GRB2: variants seen among roughly 807,000 people sequenced by gnomAD.
GRB2 encodes the protein growth factor receptor-bound protein 2.
Under a neutral mutation model 27.4 loss-of-function variants are expected in GRB2, and 2 were observed. The observed-to-expected ratio is 0.07, with a 90% CI of 0.03 to 0.23. The LOEUF is 0.23. Ranked by LOEUF, GRB2 falls within the 10% of genes least tolerant of loss-of-function variation. GRB2 has a pLI of 1.00. For synonymous variants in GRB2, 94 were observed against 99.6 expected (o/e 0.94, Z 0.33); for missense variants, 102 against 282.4 (o/e 0.36, Z 4.58).
At chr17:75,354,267 G>C (rs58225538) in intron 2 of GRB2, among the ~76,000 whole-genome samples, 4,436 of 102,232 alleles carry the variant, frequency 0.043, 533 homozygotes, top group African/African-American at 0.12. Flanking sequence ...TTTTTTTTGG[G>C]GGGGGGGGGG....
intron 2 of GRB2, among the ~76,000 whole-genome samples, chr17:75,374,749 C>T (rs1429857184): frequency 2.0e-5 from 3 of 152,032 alleles, no homozygotes; most frequent in Non-Finnish European, 4.4e-5. Flanking sequence ...ATCAATCACG[C>T]CACTGCACTC....
chr17:75,343,972 G>A (rs1459857649), intron 2 of GRB2, among the ~76,000 whole-genome samples: 1 of 152,222 alleles, frequency 6.6e-6, no homozygotes, highest in Non-Finnish European at 1.5e-5. Flanking sequence ...TAGGTGAACT[G>A]AGGATAAAAT....
At chr17:75,401,903 A>AGT (rs1163213852) in intron 1 of GRB2, among the ~76,000 whole-genome samples, 3 of 152,256 alleles carry the variant, frequency 2.0e-5, no homozygotes, top group Non-Finnish European at 4.4e-5. Context: ...AGAGACCTTA[A>AGT]CTAGTATTTT....
chr17:75,392,868 T>C (rs1477433541), intron 2 of GRB2, among the ~76,000 whole-genome samples: 1 of 152,180 alleles, frequency 6.6e-6, no homozygotes, highest in Non-Finnish European at 1.5e-5. Flanking sequence ...GCACATGGTA[T>C]AGAAGCTGAT....
In GRB2 at chr17:75,352,120, G is replaced by A. The variant is rs56165635; in HGVS notation, c.79-19323C>T. Among the ~76,000 whole-genome samples, 658 of 152,308 alleles carry A rather than the reference G, an allele frequency of 4.3e-3. 5 individuals carry two copies. The highest frequency in any genetic ancestry group is 0.015 in the African/African-American group (615 of 41,580). On this transcript the variant is annotated intron_variant, in intron 2 of 5. Coordinates refer to ENST00000316804, the MANE Select transcript of GRB2 (RefSeq NM_002086.5). ...TGCTGCTAGACCAGAGGCTTCTCTAGTAATTAATTACCCAGGTCCTGGCCT... is the reference window on the plus strand; with the variant it reads ...TGCTGCTAGACCAGAGGCTTCTCTAATAATTAATTACCCAGGTCCTGGCCT...
intron 2 of GRB2, among the ~76,000 whole-genome samples, chr17:75,334,115 C>G (rs983226420): frequency 6.6e-5 from 10 of 152,134 alleles, no homozygotes; most frequent in African/African-American, 2.4e-4. Flanking sequence ...TCTAGATATG[C>G]TATGCTTTTT....
chr17:75,330,093 T>C (rs1415785874), intron 3 of GRB2, among the ~76,000 whole-genome samples: 1 of 151,970 alleles, frequency 6.6e-6, no homozygotes, highest in Non-Finnish European at 1.5e-5. Flanking sequence ...TTTAAAAAGA[T>C]GGGCTTTGGG....
rs535053065 is a variant in GRB2, at chr17:75,332,469, C to T, written c.176+231G>A. ...AGAATTACGGACCTGCACCAACTAT[C>T]GTTTTATTTTTGAAGATCACTGACA... On this transcript the variant is annotated intron_variant, in intron 3 of 5. Transcript: ENST00000316804. Among the ~76,000 whole-genome samples the T allele has an allele frequency of 2.8e-4, 42 of 152,266 alleles. 1 individual carries two copies. In the South Asian group the frequency reaches 7.9e-3, roughly 29 times the overall value.
chr17:75,321,325 C>A (rs879356802), intron 5 of GRB2, among the ~76,000 whole-genome samples: 2 of 151,836 alleles, frequency 1.3e-5, no homozygotes, highest in Admixed American at 6.6e-5. Flanking sequence ...TGCAGGTGTG[C>A]GCCACCACAT....
At chr17:75,390,875 G>A (rs2078994128) in intron 2 of GRB2, among the ~76,000 whole-genome samples, 1 of 152,104 alleles carries the variant, frequency 6.6e-6, no homozygotes, top group Non-Finnish European at 1.5e-5. Flanking sequence ...ATCAAGAGAA[G>A]GCATATATAT....
chr17:75,318,467 G>A lies in GRB2; in HGVS notation c.*1901C>T, dbSNP rs2078431730. ...GCCGCTTTGGGACTGAAAGGCCCAA[G>A]GCTGTCACCAGCTCCCGGAAGAGAG... On this transcript the variant is annotated 3_prime_UTR_variant, in exon 6 of 6. Coordinates refer to ENST00000316804, the MANE Select transcript of GRB2 (RefSeq NM_002086.5). The A allele has an allele frequency of 2.0e-5, 3 of 152,284 alleles. No individual in the cohort carries two copies. The highest frequency in any genetic ancestry group is 4.8e-5 in the African/African-American group (2 of 41,468). The allele number at this position is 152,284 out of a possible 1,614,324, so 9.4% of individuals were successfully genotyped here.
chr17:75,386,757 G>C (rs1021176611), intron 2 of GRB2, among the ~76,000 whole-genome samples: 2 of 152,172 alleles, frequency 1.3e-5, no homozygotes, highest in African/African-American at 2.4e-5. Flanking sequence ...ATTGTGATGG[G>C]TACACCCAGT....
At chr17:75,350,482 CATTT>C (rs1374353279) in intron 2 of GRB2, among the ~76,000 whole-genome samples, 8 of 152,164 alleles carry the variant, frequency 5.3e-5, no homozygotes, top group Middle Eastern at 3.4e-3. Context: ...TGGGCGGTAA[CATTT>C]ATTTATTTAT....
At chr17:75,346,473 G>A (rs533726718) in intron 2 of GRB2, among the ~76,000 whole-genome samples, 1 of 151,736 alleles carries the variant, frequency 6.6e-6, no homozygotes, top group African/African-American at 2.4e-5. Context: ...TCCAGCCTGG[G>A]CAATAGAGTG....
chr17:75,337,901 C>CTACTACTACTACTACTACTATTAT (rs1375563317), intron 2 of GRB2, among the ~76,000 whole-genome samples: 9 of 117,388 alleles, frequency 7.7e-5, no homozygotes, highest in Non-Finnish European at 1.2e-4. Context: ...ACTACTACTA[C>CTACTACTACTACTACTACTATTAT]TATTATTATT....
At chr17:75,338,580 T>C (rs893465441) in intron 2 of GRB2, among the ~76,000 whole-genome samples, 23 of 152,168 alleles carry the variant, frequency 1.5e-4, no homozygotes, top group African/African-American at 5.6e-4. Flanking sequence ...AGTTATGACT[T>C]TGTAGCCACA....
intron 2 of GRB2, among the ~76,000 whole-genome samples, chr17:75,355,506 C>T (rs746268223): frequency 1.1e-4 from 17 of 150,102 alleles, no homozygotes; most frequent in Non-Finnish European, 2.1e-4. Flanking sequence ...TCACATAAAT[C>T]GGGGATGTCC....
In GRB2 at chr17:75,320,323, G is replaced by C. The variant is rs747584778; in HGVS notation, c.*45C>G. 6.6e-7 allele frequency: 1 copy of C among 1,508,256 alleles called. No homozygotes were observed. The highest frequency in any genetic ancestry group is 9.2e-7 in the Non-Finnish European group (1 of 1,084,508). The allele number at this position is 1,508,256 out of a possible 1,614,324, so 93.4% of individuals were successfully genotyped here. ...GCTTGTGGGTTTAATTCTTTTGTAT[G>C]TGTTTTACATTTTTCACTTTCTTTA... is the stretch of plus-strand genomic sequence containing the variant. On this transcript the variant is annotated 3_prime_UTR_variant, in exon 6 of 6. Coordinates refer to ENST00000316804, the MANE Select transcript of GRB2 (RefSeq NM_002086.5). The surrounding 1 kb of genome is among the most constrained non-coding windows in gnomAD (Gnocchi z 4.3).
At chr17:75,379,905 T>G (rs2078916980) in intron 2 of GRB2, among the ~76,000 whole-genome samples, 1 of 152,226 alleles carries the variant, frequency 6.6e-6, no homozygotes, top group Non-Finnish European at 1.5e-5. Context: ...ATTAGTAATT[T>G]TAATGCAGTG....
Sources: gnomAD v4.1 joint callset for allele counts (sites outside exome capture counted in the v4.1 genomes callset) on GRCh38, gnomAD v4.1.1 for gene constraint, Gnocchi (gnomAD v3.1) non-coding constraint, MANE v1.5 for transcripts, NCBI Gene and HGNC (gene_info 2026-07-23, HGNC 2026-07-21) for gene names.